ANGPT1: variants seen among roughly 807,000 people sequenced by gnomAD.
ANGPT1 encodes angiopoietin 1.
ANGPT1 carries 17 observed loss-of-function variants against 62.2 expected under a neutral mutation model. The ratio of observed to expected loss-of-function variants is 0.27; its 90% CI spans 0.19 to 0.41. The LOEUF (loss-of-function observed/expected upper bound fraction) is 0.41. Ranked by LOEUF, ANGPT1 falls within the 10% of genes least tolerant of loss-of-function variation. The pLI is 1.00. For synonymous variants in ANGPT1, 199 were observed against 198.9 expected, an observed-to-expected ratio of 1.00 and a Z score of 0.00; for missense variants, 478 against 594.9, an observed-to-expected ratio of 0.80 and a Z score of 2.04.
intron 1 of ANGPT1, among the ~76,000 whole-genome samples, chr8:107,423,009 ATTAATATTATTTTTACC>A (rs1810931782): frequency 6.6e-6 from 1 of 152,180 alleles, no homozygotes; most frequent in Non-Finnish European, 1.5e-5. Context: ...CACAAAAGGG[ATTAATATTATTTTTACC>A]AATGGCTTAA....
chr8:107,457,839 CA>C (rs1811960124), intron 1 of ANGPT1, among the ~76,000 whole-genome samples: 7 of 148,098 alleles, frequency 4.7e-5, no homozygotes, highest in African/African-American at 1.5e-4. Context: ...CACACACACA[CA>C]CACACACACA....
At chr8:107,357,362 C>A (rs997295969) in intron 1 of ANGPT1, among the ~76,000 whole-genome samples, 1 of 152,130 alleles carries the variant, frequency 6.6e-6, no homozygotes, top group Non-Finnish European at 1.5e-5. Context: ...AAACAAGATA[C>A]TGTTTCAAAC....
intron 1 of ANGPT1, among the ~76,000 whole-genome samples, chr8:107,457,237 G>A (rs1811943070): frequency 6.6e-6 from 1 of 152,066 alleles, no homozygotes; most frequent in Non-Finnish European, 1.5e-5. Context: ...AAACTCCTGT[G>A]TAAGATGCTC....
intron 8 of ANGPT1, among the ~76,000 whole-genome samples, chr8:107,252,841 G>A (rs1386990769): frequency 6.6e-6 from 1 of 151,978 alleles, no homozygotes; most frequent in Non-Finnish European, 1.5e-5. Context: ...GTTTTTTCCT[G>A]TCTGCTGAAG....
chr8:107,307,078 ATTCT>A (rs1814736839), intron 4 of ANGPT1, among the ~76,000 whole-genome samples: 1 of 151,994 alleles, frequency 6.6e-6, no homozygotes, highest in Non-Finnish European at 1.5e-5. Flanking sequence ...TATGTCTAAA[ATTCT>A]TTCTTTGACC....
In ANGPT1 at chr8:107,374,563, G is replaced by C. The variant is rs556685929; in HGVS notation, c.298-27466C>G. Among the ~76,000 whole-genome samples the C allele has an allele frequency of 3.3e-5, 5 of 152,294 alleles. No individual in the cohort carries two copies. In the South Asian group the frequency reaches 1.0e-3, roughly 32 times the overall value. On this transcript the variant is annotated intron_variant, in intron 1 of 8. Transcript: ENST00000517746. ...AAACTCCAATGCCTGTTGTAGGACT[G>C]GGCGGTTTTCTAATTCTCTCAAAAG...
At chr8:107,476,776 T>C (rs1812543350) in intron 1 of ANGPT1, among the ~76,000 whole-genome samples, 1 of 152,184 alleles carries the variant, frequency 6.6e-6, no homozygotes, top group Non-Finnish European at 1.5e-5. Flanking sequence ...ATTTAGTACG[T>C]ATTGCCTGAG....
intron 1 of ANGPT1, among the ~76,000 whole-genome samples, chr8:107,470,180 T>C (rs1164905080): frequency 6.6e-6 from 1 of 152,110 alleles, no homozygotes; most frequent in African/African-American, 2.4e-5. Context: ...TAAAATGATA[T>C]AGTTCTGATT....
At chr8:107,256,173 G>C (rs2507801) in intron 8 of ANGPT1, among the ~76,000 whole-genome samples, 49,411 of 152,024 alleles carry the variant, frequency 0.33, 8,935 homozygotes, top group South Asian at 0.45. Context: ...GATGAATTAA[G>C]ATGGAAGAAA....
At chr8:107,334,679 T>C (rs1220946676) in intron 3 of ANGPT1, among the ~76,000 whole-genome samples, 1 of 152,222 alleles carries the variant, frequency 6.6e-6, no homozygotes, top group African/African-American at 2.4e-5. Flanking sequence ...TCTTGAAATA[T>C]GACTGTAAAT....
intron 1 of ANGPT1, among the ~76,000 whole-genome samples, chr8:107,408,605 A>G (rs1307079741): frequency 6.6e-6 from 1 of 152,188 alleles, no homozygotes; most frequent in Non-Finnish European, 1.5e-5. Flanking sequence ...AACTTCAGCA[A>G]TGAAAGATGT....
At chr8:107,333,012 A>C (rs890491370) in intron 3 of ANGPT1, among the ~76,000 whole-genome samples, 1 of 152,206 alleles carries the variant, frequency 6.6e-6, no homozygotes, top group Non-Finnish European at 1.5e-5. Flanking sequence ...AAATAGGAGG[A>C]GCACATTTCT....
intron 1 of ANGPT1, among the ~76,000 whole-genome samples, chr8:107,373,643 A>C (rs928423004): frequency 6.6e-6 from 1 of 152,146 alleles, no homozygotes; most frequent in African/African-American, 2.4e-5. Flanking sequence ...ACGATGATGG[A>C]AGTTTTTCTT....
intron 8 of ANGPT1, among the ~76,000 whole-genome samples, chr8:107,256,059 T>G (rs541616452): frequency 6.6e-6 from 1 of 152,334 alleles, no homozygotes; most frequent in South Asian, 2.1e-4. Context: ...TCATTTTGAT[T>G]TCATGACAAA....
intron 1 of ANGPT1, among the ~76,000 whole-genome samples, chr8:107,427,062 G>T (rs1267713395): frequency 6.6e-6 from 1 of 152,150 alleles, no homozygotes; most frequent in South Asian, 2.1e-4. Context: ...CATAGAAAAA[G>T]AATATGGGTC....
chr8:107,379,550 T>TAA (rs33922668), intron 1 of ANGPT1, among the ~76,000 whole-genome samples: 19 of 149,022 alleles, frequency 1.3e-4, no homozygotes, highest in Middle Eastern at 3.5e-3. Context: ...CAGAGGAGGT[T>TAA]AAAAAAAAAA....
rs561993759 is a variant in ANGPT1, at chr8:107,452,224, T to A, written c.297+45038A>T. Among the ~76,000 whole-genome samples the A allele has an allele frequency of 4.6e-5, 7 of 151,454 alleles. No homozygotes were observed. The East Asian group carries it at 7.8e-4, about 17-fold the overall frequency. ...CCATACAGAGAGATGTGTACCAAAT[T>A]TTTTCCCTCTAAATAATAAAATGAA... On this transcript the variant is annotated intron_variant, in intron 1 of 8. Coordinates refer to ENST00000517746, the MANE Select transcript of ANGPT1 (RefSeq NM_001146.5).
At chr8:107,453,943 C>T (rs1811848491) in intron 1 of ANGPT1, among the ~76,000 whole-genome samples, 2 of 151,574 alleles carry the variant, frequency 1.3e-5, no homozygotes, top group Non-Finnish European at 2.9e-5. Flanking sequence ...AAGAAAAATA[C>T]CTGGGAGAGT....
chr8:107,448,831 G>A (rs1343446585), intron 1 of ANGPT1, among the ~76,000 whole-genome samples: 1 of 152,152 alleles, frequency 6.6e-6, no homozygotes, highest in East Asian at 1.9e-4. Context: ...ATGTGCATTA[G>A]TAAGTAAGGA....
Sources: allele counts gnomAD v4.1 joint callset (sites outside exome capture counted in the v4.1 genomes callset), GRCh38; gene constraint gnomAD v4.1.1; transcripts MANE v1.5; gene names NCBI Gene and HGNC (gene_info 2026-07-23, HGNC 2026-07-21).